The following CCDC83 variants were observed in gnomAD, a reference collection of about 807,000 sequenced individuals.
CCDC83 encodes the protein coiled-coil domain-containing protein 83.
In CCDC83, 54 loss-of-function variants were observed where a neutral mutation model predicts 50.1. That is an observed-to-expected ratio of 1.08 (90% CI 0.87 to 1.35). CCDC83 has a LOEUF of 1.35. Among genes scored for constraint, CCDC83 ranks in the 40% most tolerant of loss-of-function variants. The pLI is 0.00. For missense variants in CCDC83, 518 were observed against 473.9 expected (o/e 1.09, Z -0.86); for synonymous variants, 161 against 153.3 (o/e 1.05, Z -0.37).
intron 2 of CCDC83, among the ~76,000 whole-genome samples, 156 bp from the exon 3 acceptor site, chr11:85,873,046 TAGTGAGTAA>T (rs1056323156): frequency 2.6e-5 from 4 of 152,140 alleles, no homozygotes; most frequent in Admixed American, 2.6e-4. Flanking sequence ...ATATATATTT[TAGTGAGTAA>T]AATAGATTCA....
At chr11:85,877,674 A>G (rs539426882) in intron 3 of CCDC83, among the ~76,000 whole-genome samples, 2 of 152,276 alleles carry the variant, frequency 1.3e-5, no homozygotes, top group South Asian at 4.1e-4. Context: ...AGTGGTTTTA[A>G]AATTACCACT....
chr11:85,865,238 TCTG>T lies in CCDC83; in HGVS notation c.95+21_95+23del, dbSNP rs1397169696. On this transcript the variant is annotated intron_variant, in intron 2 of 10. Coordinates refer to ENST00000342404, the MANE Select transcript of CCDC83 (RefSeq NM_001286159.2). Reference sequence around the variant, plus strand: ...CTATCAGTAAGTTTTTATTCTGAAATCTGAAAGTTGCCATAGATAAAAGGCAGT... The same window carrying T: ...CTATCAGTAAGTTTTTATTCTGAAATAAAGTTGCCATAGATAAAAGGCAGT... The T allele has an allele frequency of 5.6e-6, 8 of 1,437,572 alleles. No individual in the cohort carries two copies. In the Admixed American group the frequency reaches 1.4e-4, roughly 25 times the overall value. 89.1% of individuals were successfully genotyped at this position (1,437,572 alleles called of 1,614,324 possible).
chr11:85,890,910 C>CAG (rs2093347980), intron 5 of CCDC83, among the ~76,000 whole-genome samples: 1 of 152,152 alleles, frequency 6.6e-6, no homozygotes. Context: ...TTTTATTGAG[C>CAG]AGAAGTCAAT....
chr11:85,879,103 G>T (rs2093284739), intron 3 of CCDC83, among the ~76,000 whole-genome samples: 3 of 152,044 alleles, frequency 2.0e-5, no homozygotes, highest in Admixed American at 1.3e-4. Flanking sequence ...TCACAAAAAG[G>T]TCTGTAACAG....
intron 3 of CCDC83, among the ~76,000 whole-genome samples, chr11:85,880,792 T>C (rs2093295370): frequency 2.6e-5 from 4 of 152,184 alleles, no homozygotes; most frequent in Admixed American, 2.6e-4. Flanking sequence ...ACCCCTTAAC[T>C]GAAATTCTTG....
At chr11:85,892,222 C>T (rs773632655) in intron 5 of CCDC83, among the ~76,000 whole-genome samples, 2 of 152,116 alleles carry the variant, frequency 1.3e-5, no homozygotes, top group South Asian at 2.1e-4. Flanking sequence ...TGGGAAGGGA[C>T]GCCATTAGAT....
intron 4 of CCDC83, among the ~76,000 whole-genome samples, chr11:85,885,590 G>A (rs79145144): frequency 0.016 from 2,480 of 152,242 alleles, 66 homozygotes; most frequent in African/African-American, 0.055. Flanking sequence ...CCCTGAAATA[G>A]TTCAGTATTT....
At chr11:85,896,358 G>A (rs149390585) in intron 6 of CCDC83, among the ~76,000 whole-genome samples, 5 of 127,294 alleles carry the variant, frequency 3.9e-5, no homozygotes, top group East Asian at 5.1e-4. Context: ...CCGTATTTGC[G>A]CCACTGCACT....
At chr11:85,864,948 C>A (rs995053392) in intron 1 of CCDC83, 148 bp from the exon 2 acceptor site, 7 of 562,886 alleles carry the variant, frequency 1.2e-5, no homozygotes, top group Non-Finnish European at 2.2e-5. Context: ...TGATGTTCCA[C>A]CATTGTGGTG....
chr11:85,874,391 T>C (rs1487489727), intron 3 of CCDC83, among the ~76,000 whole-genome samples: 2 of 152,182 alleles, frequency 1.3e-5, no homozygotes, highest in African/African-American at 2.4e-5. Context: ...GACTTGGTTG[T>C]GGAAAGTAAA....
chr11:85,887,663 T>C (rs1322629304), intron 5 of CCDC83, among the ~76,000 whole-genome samples: 1 of 151,620 alleles, frequency 6.6e-6, no homozygotes, highest in East Asian at 1.9e-4. Flanking sequence ...TCTATGCATA[T>C]ATATATATAT....
chr11:85,903,273 C>CTATTTTACTTT (rs1374008715), intron 7 of CCDC83, among the ~76,000 whole-genome samples: 4 of 151,924 alleles, frequency 2.6e-5, no homozygotes, highest in African/African-American at 9.7e-5. Context: ...CAAGCACCAA[C>CTATTTTACTTT]TATTTTATTT....
At chr11:85,869,621 T>G (rs538586132) in intron 2 of CCDC83, among the ~76,000 whole-genome samples, 9 of 152,256 alleles carry the variant, frequency 5.9e-5, no homozygotes, top group Non-Finnish European at 1.0e-4. Context: ...AATATCACTG[T>G]GCTTTAGAAT....
intron 6 of CCDC83, 124 bp downstream of exon 6, chr11:85,895,508 T>C: frequency 1.7e-6 from 1 of 594,094 alleles, no homozygotes. Context: ...CAACCTGTAA[T>C]AATGGCTGTA....
intron 5 of CCDC83, among the ~76,000 whole-genome samples, chr11:85,894,914 C>G (rs2135077561): frequency 6.6e-6 from 1 of 152,312 alleles, no homozygotes; most frequent in Middle Eastern, 3.4e-3. Context: ...ATTCTTTGCT[C>G]TCTCAATAAT....
In CCDC83 at chr11:85,902,187, G is replaced by A. The variant is rs1443074160; in HGVS notation, c.672+3172G>A. 2.6e-5 allele frequency among the ~76,000 whole-genome samples: 4 copies of A among 151,968 alleles called. No homozygotes were observed. The East Asian group carries it at 7.7e-4, about 29-fold the overall frequency. On this transcript the variant is annotated intron_variant, in intron 7 of 10. Transcript: ENST00000342404. ...CTGGCAGAAGCAGGTGGGGGTGGGGGTGAAGTTAACTACAAGGGAATAAGA... is the reference window on the plus strand; with the variant it reads ...CTGGCAGAAGCAGGTGGGGGTGGGGATGAAGTTAACTACAAGGGAATAAGA...
chr11:85,889,623 C>T (rs1170233983), intron 5 of CCDC83, among the ~76,000 whole-genome samples: 1 of 152,198 alleles, frequency 6.6e-6, no homozygotes, highest in African/African-American at 2.4e-5. Flanking sequence ...TGAATATGAG[C>T]AAGACTCCTA....
At chr11:85,858,017 C>T (rs1408730515) in intron 1 of CCDC83, among the ~76,000 whole-genome samples, 5 of 152,184 alleles carry the variant, frequency 3.3e-5, no homozygotes, top group Non-Finnish European at 4.4e-5. Context: ...AGTGGCTCAA[C>T]AAGAATACTG....
Position 85,911,317 on chromosome 11 carries a change from A to G in CCDC83, c.709A>G (p.Asn237Asp), listed in dbSNP as rs199964272. 2 of 1,610,976 alleles carry G rather than the reference A, an allele frequency of 1.2e-6. No homozygotes were observed. The highest frequency in any genetic ancestry group is 2.7e-5 in the African/African-American group (2 of 74,950). Reference sequence around the variant, plus strand: ...CAGGAAGGAAGTTGAAGAATTAAAAAATGCTATTCATGAACTGGAAGCAGA... The same window carrying G: ...CAGGAAGGAAGTTGAAGAATTAAAAGATGCTATTCATGAACTGGAAGCAGA... ...IHRKEVEELKNAIHELEAENL... is the reference protein window; with the variant it reads ...IHRKEVEELKDAIHELEAENL... Residue 237 changes from asparagine to aspartate, a missense_variant, in exon 8 of 11, where the codon AAT (asparagine) becomes GAT (aspartate). Coordinates refer to ENST00000342404, the MANE Select transcript of CCDC83 (RefSeq NM_001286159.2).
Sources: gnomAD v4.1 joint callset for allele counts (sites outside exome capture counted in the v4.1 genomes callset) on GRCh38, gnomAD v4.1.1 for gene constraint, MANE v1.5 for transcripts, NCBI Gene and HGNC (gene_info 2026-07-23, HGNC 2026-07-21) for gene names.